PCDHA4: variants seen among roughly 807,000 people sequenced by gnomAD.
PCDHA4 encodes the protein protocadherin alpha-4.
In PCDHA4, 49 loss-of-function variants were observed where a neutral mutation model predicts 61.4. The observed-to-expected ratio is 0.80, with a 90% CI of 0.63 to 1.01. The LOEUF is 1.01. Among genes scored for constraint, PCDHA4 ranks in the 50% least tolerant of loss-of-function variants. The pLI, the probability that PCDHA4 is intolerant of heterozygous loss-of-function variation, is 0.00. For synonymous variants in PCDHA4, 590 were observed against 550.3 expected (o/e 1.07, Z -1.01); for missense variants, 1,254 against 1,235.8 (o/e 1.01, Z -0.22).
chr5:140,810,980 TA>T (rs1554125624), intron 1 of PCDHA4: 1 of 152,128 alleles, frequency 6.6e-6, no homozygotes, highest in African/African-American at 2.4e-5. Context: ...TGTTGTGAGG[TA>T]GGGGTCAAGA....
chr5:140,876,176 TG>T (rs1554168338), intron 1 of PCDHA4: 2 of 1,613,930 alleles, frequency 1.2e-6, no homozygotes, highest in Non-Finnish European at 1.7e-6. Context: ...GTCCTGGATG[TG>T]AATGACAATG....
intron 1 of PCDHA4, chr5:140,823,188 C>A (rs1562269864): frequency 1.9e-6 from 3 of 1,613,784 alleles, no homozygotes; most frequent in Non-Finnish European, 2.5e-6. Flanking sequence ...CGCCAGGCTG[C>A]CACATCTTCA....
chr5:140,884,750 A>G, intron 1 of PCDHA4: 1 of 1,431,238 alleles, frequency 7.0e-7, no homozygotes, highest in Non-Finnish European at 9.2e-7. Flanking sequence ...TGCCAATTTC[A>G]AATTATTCTT....
chr5:140,875,694 T>C, intron 1 of PCDHA4: 1 of 1,614,008 alleles, frequency 6.2e-7, no homozygotes, highest in South Asian at 1.1e-5. Flanking sequence ...ACGGGGACCT[T>C]CTGGAGGTAA....
rs782616860 is a variant in PCDHA4 at position 140,807,923 on chromosome 5, A to G, written c.736A>G (p.Ile246Val). The change falls in exon 1 of 4, where the codon ATT (isoleucine) becomes GTT (valine). Residue 246 changes from isoleucine (I) to valine (V), a missense_variant. Ile to Val is a conservative substitution (Grantham distance 29). Transcript: ENST00000530339. ...CAATGCCCCAGCTTTTGACAGAACC[A>G]TTTATAAGGTGAGATTACTAGAAAA... is the stretch of plus-strand genomic sequence containing the variant. ...NDNAPAFDRT[I>V]YKVRLLENVP... The G allele has an allele frequency of 5.6e-6, 9 of 1,614,144 alleles. No individual in the cohort carries two copies. Among genetic ancestry groups the G allele is most frequent in the African/African-American group, 1.3e-5 (1 of 75,050 alleles).
At chr5:140,877,920 C>A in intron 1 of PCDHA4, 1 of 1,422,738 alleles carries the variant, frequency 7.0e-7, no homozygotes, top group Admixed American at 2.9e-5. Flanking sequence ...TCTCATTTTT[C>A]TTTATGATTC....
chr5:140,877,527 C>A (rs1554169810), intron 1 of PCDHA4: 1 of 1,613,642 alleles, frequency 6.2e-7, no homozygotes, highest in East Asian at 2.2e-5. Flanking sequence ...CCTCAGTGGG[C>A]GCTGTGGATC....
intron 1 of PCDHA4, chr5:140,869,076 C>T (rs367613564): frequency 1.9e-6 from 3 of 1,577,816 alleles, no homozygotes; most frequent in African/African-American, 2.7e-5. Context: ...TGTAAAGAAG[C>T]TTATTTTGGA....
intron 1 of PCDHA4, chr5:140,827,955 C>A: frequency 7.8e-7 from 1 of 1,286,522 alleles, no homozygotes; most frequent in Non-Finnish European, 1.1e-6. Context: ...ATTCAAATTT[C>A]TTCTATTACT....
At chr5:140,846,342 C>CTTTCTCT (rs1780336698) in intron 1 of PCDHA4, among the ~76,000 whole-genome samples, 1 of 138,926 alleles carries the variant, frequency 7.2e-6, no homozygotes, top group Non-Finnish European at 1.6e-5. Flanking sequence ...TTTTAAAGTG[C>CTTTCTCT]TTTCTCTTTT....
At chr5:140,822,930 C>G (rs2150120481) in intron 1 of PCDHA4, 11 of 1,614,266 alleles carry the variant, frequency 6.8e-6, no homozygotes, top group Non-Finnish European at 8.5e-6. Flanking sequence ...GGCAGGTGAC[C>G]TGCTCCCTAA....
At chr5:140,873,301 A>G (rs1463024301) in intron 1 of PCDHA4, among the ~76,000 whole-genome samples, 1 of 152,238 alleles carries the variant, frequency 6.6e-6, no homozygotes, top group Non-Finnish European at 1.5e-5. Flanking sequence ...TTATAAATAT[A>G]ATAAAGGTGA....
At chr5:140,921,967 G>GA (rs2080533534) in intron 1 of PCDHA4, among the ~76,000 whole-genome samples, 1 of 151,284 alleles carries the variant, frequency 6.6e-6, no homozygotes, top group Non-Finnish European at 1.5e-5. Context: ...AAAACCAAAG[G>GA]AAAAAATAGA....
chr5:140,907,812 C>T (rs888159954), intron 1 of PCDHA4, among the ~76,000 whole-genome samples: 17 of 152,192 alleles, frequency 1.1e-4, no homozygotes, highest in Admixed American at 2.6e-4. Flanking sequence ...GTCCACAGAA[C>T]GAGTCATCCT....
chr5:140,848,975 A>G lies in PCDHA4; in HGVS notation c.2385+39403A>G, dbSNP rs2040717769. 3 of 1,601,024 alleles carry G rather than the reference A, an allele frequency of 1.9e-6. No homozygotes were observed. The East Asian group carries it at 6.7e-5, about 36-fold the overall frequency. ...TTCCACTAGAGGGCGCGTCCGATGC[A>G]GATATCGGGGAGAACGCCCTGCTCA... On this transcript the variant is annotated intron_variant, in intron 1 of 3. Transcript: ENST00000530339.
chr5:140,849,568 C>T (rs2040965455), intron 1 of PCDHA4: 1 of 1,598,504 alleles, frequency 6.3e-7, no homozygotes, highest in Non-Finnish European at 8.6e-7. Context: ...CTCTCGGTTC[C>T]TGTAAAAGAG....
intron 1 of PCDHA4, among the ~76,000 whole-genome samples, chr5:140,935,276 T>TA (rs1447867343): frequency 6.6e-6 from 1 of 152,226 alleles, no homozygotes; most frequent in African/African-American, 2.4e-5. Flanking sequence ...ACTAATCTAA[T>TA]AAAGTTCAGC....
chr5:140,837,119 A>G (rs1472811224), intron 1 of PCDHA4: 1 of 156,890 alleles, frequency 6.4e-6, no homozygotes, highest in Non-Finnish European at 1.4e-5. Flanking sequence ...ATGTTACCTA[A>G]TATTTTATTC....
At chr5:140,904,692 A>G (rs1484371560) in intron 1 of PCDHA4, among the ~76,000 whole-genome samples, 1 of 152,126 alleles carries the variant, frequency 6.6e-6, no homozygotes, top group Non-Finnish European at 1.5e-5. Context: ...GCAGTGTAAA[A>G]TTGTTCCCTT....
Sources: allele counts gnomAD v4.1 joint callset (sites outside exome capture counted in the v4.1 genomes callset), GRCh38; gene constraint gnomAD v4.1.1; transcripts MANE v1.5; gene names NCBI Gene and HGNC (gene_info 2026-07-23, HGNC 2026-07-21).